The following STK3 variants were observed in gnomAD, a reference collection of about 807,000 sequenced individuals.
STK3 encodes the protein serine/threonine kinase 3.
In STK3, 41 loss-of-function variants were observed where a neutral mutation model predicts 58.0. The observed-to-expected ratio is 0.71, with a 90% CI of 0.55 to 0.92. The LOEUF is 0.92. Ranked by LOEUF, STK3 falls within the 40% of genes least tolerant of loss-of-function variation. The probability of loss-of-function intolerance (pLI) is 0.00; values close to 1 mark genes in which losing one functional copy is unlikely to be tolerated. For missense variants in STK3, 479 were observed against 602.7 expected, an observed-to-expected ratio of 0.79 and a Z score of 2.15; for synonymous variants, 170 against 191.0, an observed-to-expected ratio of 0.89 and a Z score of 0.91.
intron 3 of STK3, among the ~76,000 whole-genome samples, chr8:98,412,408 A>G (rs1206902740): frequency 2.6e-5 from 4 of 152,192 alleles, no homozygotes; most frequent in Non-Finnish European, 5.9e-5. Context: ...CCGCTAACAC[A>G]GCTCAAAGCC....
intron 10 of STK3, among the ~76,000 whole-genome samples, chr8:98,525,479 CTAAA>C (rs975672979): frequency 4.6e-5 from 7 of 150,774 alleles, no homozygotes; most frequent in South Asian, 2.1e-4. Flanking sequence ...CTCTTTGAGG[CTAAA>C]TACTCTACAT....
chr8:98,920,872 T>A (rs1839532396), intron 1 of STK3, among the ~76,000 whole-genome samples: 1 of 152,200 alleles, frequency 6.6e-6, no homozygotes, highest in Non-Finnish European at 1.5e-5. Flanking sequence ...AGGAGGCAAA[T>A]TAACACAAAA....
chr8:98,677,192 A>C (rs1032931414), intron 6 of STK3, among the ~76,000 whole-genome samples: 2 of 152,056 alleles, frequency 1.3e-5, no homozygotes, highest in African/African-American at 2.4e-5. Context: ...GCCTTGTTTC[A>C]TTATCTGTCG....
At chr8:98,878,245 G>T (rs1253228928) in intron 3 of STK3, among the ~76,000 whole-genome samples, 1 of 151,882 alleles carries the variant, frequency 6.6e-6, no homozygotes, top group Non-Finnish European at 1.5e-5. Context: ...TAAAGACTGG[G>T]TTTCCCCATG....
chr8:98,407,627 T>A (rs1386720150), intron 3 of STK3, among the ~76,000 whole-genome samples: 1 of 152,086 alleles, frequency 6.6e-6, no homozygotes, highest in South Asian at 2.1e-4. Flanking sequence ...GAACAGTAGC[T>A]GATGGGGAAG....
intron 6 of STK3, among the ~76,000 whole-genome samples, chr8:98,677,882 G>C (rs183944397): frequency 6.6e-6 from 1 of 152,282 alleles, no homozygotes; most frequent in Admixed American, 6.5e-5. Flanking sequence ...GAAGGAGTCA[G>C]GTAGTTGGAG....
At chr8:98,563,538 A>T (rs1812232390) in intron 8 of STK3, among the ~76,000 whole-genome samples, 2 of 152,144 alleles carry the variant, frequency 1.3e-5, no homozygotes, top group Non-Finnish European at 2.9e-5. Flanking sequence ...ACAGTACAAA[A>T]AAGTCCCCCT....
chr8:98,675,581 G>C lies in STK3; in HGVS notation c.684+30886C>G, dbSNP rs552172886. ...TAAAAGAATTAAAAGCAGGGACTCGGGCTGGGCGTGGTGGCTCATGCCTGT... is the reference window on the plus strand; with the variant it reads ...TAAAAGAATTAAAAGCAGGGACTCGCGCTGGGCGTGGTGGCTCATGCCTGT... On this transcript the variant is annotated intron_variant, in intron 6 of 10. Transcript: ENST00000419617. Among the ~76,000 whole-genome samples the C allele has an allele frequency of 7.8e-4, 118 of 151,882 alleles. No homozygotes were observed. The South Asian group carries it at 7.9e-3, about 10-fold the overall frequency.
At chr8:98,595,887 G>T in intron 7 of STK3, 145 bp downstream of exon 7, 1 of 869,298 alleles carries the variant, frequency 1.2e-6, no homozygotes, top group Non-Finnish European at 1.6e-6. Context: ...GAGAGGGGAG[G>T]AAAGAAAAGA....
At chr8:98,502,799 G>A (rs548549125) in intron 10 of STK3, among the ~76,000 whole-genome samples, 63 of 152,170 alleles carry the variant, frequency 4.1e-4, no homozygotes, top group African/African-American at 1.4e-3. Context: ...TGCTGGATTC[G>A]GTTTCCCAGT....
chr8:98,540,018 T>A (rs1810107491), intron 9 of STK3, among the ~76,000 whole-genome samples: 1 of 152,182 alleles, frequency 6.6e-6, no homozygotes, highest in Non-Finnish European at 1.5e-5. Context: ...CTTCCCAAAG[T>A]GCTGGGATTA....
chr8:98,695,295 C>G (rs12677970), intron 6 of STK3, among the ~76,000 whole-genome samples: 1 of 152,192 alleles, frequency 6.6e-6, no homozygotes, highest in Admixed American at 6.5e-5. Context: ...ATTGTGTAGG[C>G]TGCCTGTTCA....
intron 10 of STK3, among the ~76,000 whole-genome samples, chr8:98,526,099 T>C (rs1389393243): frequency 2.0e-5 from 3 of 151,930 alleles, no homozygotes; most frequent in Non-Finnish European, 4.4e-5. Context: ...ATTTTGAGAA[T>C]TTACTCTCTC....
intron 1 of STK3, among the ~76,000 whole-genome samples, chr8:98,785,090 C>A (rs1832373306): frequency 6.6e-6 from 1 of 152,184 alleles, no homozygotes; most frequent in African/African-American, 2.4e-5. Context: ...CCAAGAAGAT[C>A]TCCAGATATT....
chr8:98,893,816 A>G (rs1362921276), intron 1 of STK3, among the ~76,000 whole-genome samples: 1 of 152,230 alleles, frequency 6.6e-6, no homozygotes, highest in Non-Finnish European at 1.5e-5. Context: ...AACAAGGCAG[A>G]GTGGACTGGA....
At chr8:98,812,892 G>T (rs968021097) in intron 1 of STK3, among the ~76,000 whole-genome samples, 3 of 152,120 alleles carry the variant, frequency 2.0e-5, no homozygotes, top group African/African-American at 4.8e-5. Flanking sequence ...GTTGTAGGGT[G>T]GGGGGAGTGA....
chr8:98,863,803 C>T (rs560290056), intron 3 of STK3, among the ~76,000 whole-genome samples: 1 of 152,184 alleles, frequency 6.6e-6, no homozygotes, highest in Non-Finnish European at 1.5e-5. Flanking sequence ...GGGTAGCAAA[C>T]TATATTTTCC....
chr8:98,584,283 G>A (rs1182140848), intron 7 of STK3, among the ~76,000 whole-genome samples: 7 of 143,678 alleles, frequency 4.9e-5, no homozygotes, highest in Admixed American at 7.2e-5. Flanking sequence ...AGAGTGTGAT[G>A]TTCCCCTTCC....
At chr8:98,469,685 A>G (rs184143540) in intron 10 of STK3, among the ~76,000 whole-genome samples, 1 of 152,368 alleles carries the variant, frequency 6.6e-6, no homozygotes, top group Non-Finnish European at 1.5e-5. Context: ...TAGTTTTGCT[A>G]GTAAATCTTC....
Sources: allele counts gnomAD v4.1 joint callset (sites outside exome capture counted in the v4.1 genomes callset), GRCh38; gene constraint gnomAD v4.1.1; transcripts MANE v1.5; gene names NCBI Gene and HGNC (gene_info 2026-07-23, HGNC 2026-07-21).